Variants in CAMKMT observed in about 807,000 individuals in gnomAD.
CAMKMT encodes calmodulin-lysine N-methyltransferase.
CAMKMT carries 53 observed loss-of-function variants against 48.0 expected under a neutral mutation model. That is an observed-to-expected ratio of 1.10 (90% CI 0.89 to 1.39). The LOEUF is 1.39. Among genes scored for constraint, CAMKMT ranks in the 40% most tolerant of loss-of-function variants. The pLI, the probability that CAMKMT is intolerant of heterozygous loss-of-function variation, is 0.00. For synonymous variants in CAMKMT, 165 were observed against 152.3 expected (o/e 1.08, Z -0.61); for missense variants, 428 against 402.7 (o/e 1.06, Z -0.54).
At chr2:44,771,621 C>T (rs1268833967) in intron 10 of CAMKMT, among the ~76,000 whole-genome samples, 1 of 152,122 alleles carries the variant, frequency 6.6e-6, no homozygotes, top group Non-Finnish European at 1.5e-5. Context: ...CAGATGTTGC[C>T]ACGGACTCCA....
Position 44,472,405 on chromosome 2 carries a change from A to T in CAMKMT, c.376+82100A>T, listed in dbSNP as rs190769810. Among the ~76,000 whole-genome samples the T allele has an allele frequency of 4.6e-5, 7 of 152,370 alleles. No homozygotes were observed. The East Asian group carries it at 1.3e-3, about 29-fold the overall frequency. ...ATAATGTATATAAAGTACATACCAT[A>T]GTAGTCAGCGAATAAATTGTAGCTA... On this transcript the variant is annotated intron_variant, in intron 3 of 10. Coordinates refer to ENST00000378494, the MANE Select transcript of CAMKMT (RefSeq NM_024766.5).
At chr2:44,465,410 C>G (rs910507587) in intron 3 of CAMKMT, among the ~76,000 whole-genome samples, 1 of 151,990 alleles carries the variant, frequency 6.6e-6, no homozygotes, top group Non-Finnish European at 1.5e-5. Flanking sequence ...CCAGCCTGAC[C>G]AATATGGTGA....
At chr2:44,710,768 G>C (rs558365570) in intron 6 of CAMKMT, among the ~76,000 whole-genome samples, 1 of 152,258 alleles carries the variant, frequency 6.6e-6, no homozygotes, top group South Asian at 2.1e-4. Context: ...TTGATGCTAA[G>C]CCTCTTCTAA....
chr2:44,645,165 T>C (rs1231636602), intron 3 of CAMKMT, among the ~76,000 whole-genome samples: 1 of 152,186 alleles, frequency 6.6e-6, no homozygotes, highest in Non-Finnish European at 1.5e-5. Flanking sequence ...AGATGGAAGG[T>C]TGTGATGAGT....
intron 3 of CAMKMT, among the ~76,000 whole-genome samples, chr2:44,504,875 G>T (rs537233869): frequency 6.6e-6 from 1 of 152,048 alleles, no homozygotes; most frequent in Non-Finnish European, 1.5e-5. Flanking sequence ...GGTTTATTTG[G>T]CTCATGGTTC....
At chr2:44,459,301 C>T (rs1667733562) in intron 3 of CAMKMT, among the ~76,000 whole-genome samples, 1 of 152,144 alleles carries the variant, frequency 6.6e-6, no homozygotes, top group African/African-American at 2.4e-5. Context: ...ATGTATACCT[C>T]AAATGCCTGA....
chr2:44,409,352 T>C (rs750746505), intron 3 of CAMKMT, among the ~76,000 whole-genome samples: 13 of 152,058 alleles, frequency 8.5e-5, no homozygotes, highest in Non-Finnish European at 1.5e-4. Context: ...ACATTTGTTA[T>C]GTTCTTCAGA....
chr2:44,645,363 C>T (rs759110962), intron 3 of CAMKMT, among the ~76,000 whole-genome samples: 2 of 152,186 alleles, frequency 1.3e-5, no homozygotes, highest in African/African-American at 4.8e-5. Flanking sequence ...ATACAAACCA[C>T]AGCGGAGAGG....
intron 7 of CAMKMT, among the ~76,000 whole-genome samples, chr2:44,731,176 A>C (rs1679060139): frequency 6.6e-6 from 1 of 152,168 alleles, no homozygotes; most frequent in South Asian, 2.1e-4. Flanking sequence ...CCCCGTCTCT[A>C]CTATAAGTAC....
At chr2:44,548,164 C>T (rs1017402985) in intron 3 of CAMKMT, among the ~76,000 whole-genome samples, 18 of 152,198 alleles carry the variant, frequency 1.2e-4, no homozygotes, top group African/African-American at 4.3e-4. Flanking sequence ...TAGCATCCTA[C>T]TATGTGCTTT....
chr2:44,517,840 T>C (rs1670910277), intron 3 of CAMKMT, among the ~76,000 whole-genome samples: 1 of 152,218 alleles, frequency 6.6e-6, no homozygotes, highest in African/African-American at 2.4e-5. Context: ...CTGACATGAA[T>C]AATAAGGGGT....
chr2:44,398,805 A>G (rs1374343482), intron 3 of CAMKMT, among the ~76,000 whole-genome samples: 1 of 152,106 alleles, frequency 6.6e-6, no homozygotes, highest in East Asian at 1.9e-4. Context: ...TATATTTGAC[A>G]TTTATATGAA....
intron 3 of CAMKMT, among the ~76,000 whole-genome samples, chr2:44,678,936 G>C (rs1014283078): frequency 6.6e-6 from 1 of 152,090 alleles, no homozygotes; most frequent in African/African-American, 2.4e-5. Flanking sequence ...TGAGAAATTT[G>C]GTTCTCTTCT....
intron 9 of CAMKMT, among the ~76,000 whole-genome samples, chr2:44,760,887 G>C (rs965838867): frequency 3.3e-5 from 5 of 152,126 alleles, no homozygotes; most frequent in Non-Finnish European, 7.4e-5. Flanking sequence ...ATGGAGAAGA[G>C]GACAATGAAT....
chr2:44,469,121 G>T (rs1668282171), intron 3 of CAMKMT, among the ~76,000 whole-genome samples: 2 of 152,240 alleles, frequency 1.3e-5, no homozygotes, highest in Middle Eastern at 6.8e-3. Flanking sequence ...CTACAGCACT[G>T]TAGAGTGACT....
At chr2:44,399,477 T>A (rs550320163) in intron 3 of CAMKMT, among the ~76,000 whole-genome samples, 2 of 152,164 alleles carry the variant, frequency 1.3e-5, no homozygotes, top group South Asian at 4.1e-4. Context: ...ATAAATTTGT[T>A]GGGGGAGGGG....
intron 3 of CAMKMT, among the ~76,000 whole-genome samples, chr2:44,510,813 C>T (rs1670505345): frequency 6.6e-6 from 1 of 151,988 alleles, no homozygotes; most frequent in African/African-American, 2.4e-5. Flanking sequence ...CCCTGTCAAC[C>T]TTCCTCCTCG....
intron 3 of CAMKMT, among the ~76,000 whole-genome samples, chr2:44,600,289 C>G (rs971346198): frequency 3.3e-5 from 5 of 151,588 alleles, no homozygotes; most frequent in African/African-American, 1.2e-4. Flanking sequence ...ATTTTTGTGA[C>G]AGAGTGTCGC....
intron 3 of CAMKMT, among the ~76,000 whole-genome samples, chr2:44,521,114 T>G (rs181078897): frequency 6.6e-6 from 1 of 152,182 alleles, no homozygotes; most frequent in Admixed American, 6.5e-5. Context: ...CTCCACAAGG[T>G]TGATACTGAA....
Sources: gnomAD v4.1 joint callset for allele counts (sites outside exome capture counted in the v4.1 genomes callset) on GRCh38, gnomAD v4.1.1 for gene constraint, MANE v1.5 for transcripts, NCBI Gene and HGNC (gene_info 2026-07-23, HGNC 2026-07-21) for gene names.